Variants in OSBPL9 observed in about 807,000 individuals in gnomAD.
OSBPL9 encodes oxysterol binding protein like 9.
OSBPL9 carries 40 observed loss-of-function variants against 106.6 expected under a neutral mutation model. The ratio of observed to expected loss-of-function variants is 0.38; its 90% CI spans 0.29 to 0.49. The LOEUF (loss-of-function observed/expected upper bound fraction) is 0.49, where lower values mean the gene tolerates loss of function less well. Ranked by LOEUF, OSBPL9 falls within the 20% of genes least tolerant of loss-of-function variation. The probability of loss-of-function intolerance (pLI) is 0.97; values close to 1 mark genes in which losing one functional copy is unlikely to be tolerated. For missense variants in OSBPL9, 609 were observed against 887.2 expected (o/e 0.69, Z 3.98); for synonymous variants, 269 against 295.4 (o/e 0.91, Z 0.92).
intron 3 of OSBPL9, among the ~76,000 whole-genome samples, chr1:51,686,270 A>G (rs1181100393): frequency 6.6e-6 from 1 of 152,210 alleles, no homozygotes; most frequent in Non-Finnish European, 1.5e-5. Context: ...CATTTTATAG[A>G]TAAGGAAACT....
At chr1:51,575,563 C>T (rs1453731953), upstream of OSBPL9, among the ~76,000 whole-genome samples, 1 of 152,100 alleles carries the variant, frequency 6.6e-6, no homozygotes, top group Non-Finnish European at 1.5e-5. Flanking sequence ...CCCACATCAA[C>T]ACACATCCAG....
intron 5 of OSBPL9, 53 bp from the exon 6 acceptor site, chr1:51,746,657 A>G: frequency 1.5e-6 from 2 of 1,291,182 alleles, no homozygotes; most frequent in Non-Finnish European, 2.2e-6. Context: ...TAGTGAATGT[A>G]CATCGTATAG....
chr1:51,721,069 G>A (rs1181732778), intron 4 of OSBPL9, among the ~76,000 whole-genome samples: 2 of 151,954 alleles, frequency 1.3e-5, no homozygotes, highest in Non-Finnish European at 2.9e-5. Context: ...AAAGTGCTGG[G>A]ATTAGAGGCA....
chr1:51,669,762 G>T (rs1212075426), intron 3 of OSBPL9: 8 of 598,494 alleles, frequency 1.3e-5, no homozygotes, highest in Non-Finnish European at 2.5e-5. Context: ...ATAAAAATCA[G>T]TGAAGGGAGA....
chr1:51,607,067 G>T (rs1570541131), intron 2 of OSBPL9, among the ~76,000 whole-genome samples: 1 of 149,522 alleles, frequency 6.7e-6, no homozygotes, highest in Non-Finnish European at 1.5e-5. Context: ...AAGAAAAAAA[G>T]AAAAAATTTG....
intron 3 of OSBPL9, among the ~76,000 whole-genome samples, chr1:51,699,170 AG>A (rs1656707199): frequency 1.3e-5 from 2 of 152,338 alleles, no homozygotes; most frequent in African/African-American, 4.8e-5. Context: ...GGCTTATTAA[AG>A]TCAACACTAG....
Position 51,729,827 on chromosome 1 carries a change from G to GGGGGTGAAA in OSBPL9, c.319-15703_319-15702insAAAGGGGTG. 8.0e-7 allele frequency: 1 copy of GGGGGTGAAA among 1,243,848 alleles called. No individual in the cohort carries two copies. Among genetic ancestry groups the GGGGGTGAAA allele is most frequent in the Non-Finnish European group, 1.0e-6 (1 of 987,446 alleles). 77.1% of individuals were successfully genotyped at this position (1,243,848 alleles called of 1,614,324 possible). A position where few individuals can be genotyped will look rare whatever the true frequency, so the allele number is the denominator to read the frequency against. ...AGGGGTGGGGGGTGAAGGGGGTGAA[G>GGGGGTGAAA]GGGGTGTCCCGGGGGACGGGCTGAA... On this transcript the variant is annotated intron_variant, in intron 4 of 23. Coordinates refer to ENST00000428468, the MANE Select transcript of OSBPL9 (RefSeq NM_024586.6). The surrounding 1 kb of genome is among the most constrained non-coding windows in gnomAD (Gnocchi z 5.1).
chr1:51,744,313 C>T (rs929833042), intron 4 of OSBPL9, among the ~76,000 whole-genome samples: 1 of 151,968 alleles, frequency 6.6e-6, no homozygotes, highest in Non-Finnish European at 1.5e-5. Context: ...GGAGGATGCC[C>T]GTATTTGGCT....
chr1:51,533,613 A>G, the OSBPL9 span, among the ~76,000 whole-genome samples: 1 of 152,060 alleles, frequency 6.6e-6, no homozygotes, highest in Non-Finnish European at 1.5e-5. Context: ...AAGCCTCCAA[A>G]GCAGGTGGCA....
intron 3 of OSBPL9, chr1:51,709,787 CA>C (rs1659423413): frequency 6.6e-6 from 1 of 152,450 alleles, no homozygotes; most frequent in Non-Finnish European, 1.5e-5. Flanking sequence ...AGTCCAGGTG[CA>C]AAGGAGGTGA....
the OSBPL9 span, among the ~76,000 whole-genome samples, chr1:51,556,539 A>C: frequency 6.6e-6 from 1 of 152,072 alleles, no homozygotes; most frequent in Admixed American, 6.6e-5. Context: ...ACAAAAACAT[A>C]ATTAGGTAAT....
chr1:51,562,748 T>A, the OSBPL9 span, among the ~76,000 whole-genome samples: 1 of 152,214 alleles, frequency 6.6e-6, no homozygotes, highest in Non-Finnish European at 1.5e-5. Flanking sequence ...GAATATCATC[T>A]GAGTATCCTG....
chr1:51,767,465 A>G (rs368206880), intron 12 of OSBPL9, among the ~76,000 whole-genome samples: 17 of 152,078 alleles, frequency 1.1e-4, no homozygotes, highest in South Asian at 4.1e-4. Flanking sequence ...AGATGTATTA[A>G]TAGCTTAGTT....
the OSBPL9 span, among the ~76,000 whole-genome samples, chr1:51,562,248 A>C: frequency 6.6e-6 from 1 of 152,060 alleles, no homozygotes. Context: ...CCCCCTTGGT[A>C]CTGCATAGTG....
intron 10 of OSBPL9, 74 bp downstream of exon 10, chr1:51,760,854 G>A (rs1171716739): frequency 1.4e-6 from 2 of 1,470,778 alleles, no homozygotes; most frequent in Non-Finnish European, 1.9e-6. Context: ...AGCAGTCTTA[G>A]CTATTACTGT....
At chr1:51,726,602 T>A (rs1663171242) in intron 4 of OSBPL9, among the ~76,000 whole-genome samples, 3 of 152,112 alleles carry the variant, frequency 2.0e-5, no homozygotes, top group South Asian at 4.1e-4. Context: ...AGGCACGGCC[T>A]ATTTTTTTTT....
At chr1:51,613,892 C>A (rs1644006803), upstream of OSBPL9, among the ~76,000 whole-genome samples, 1 of 152,072 alleles carries the variant, frequency 6.6e-6, no homozygotes, top group East Asian at 1.9e-4. Context: ...CAGGCATGAG[C>A]CACCACAACC....
chr1:51,669,839 G>A, intron 3 of OSBPL9: 1 of 491,234 alleles, frequency 2.0e-6, no homozygotes, highest in Non-Finnish European at 4.0e-6. Flanking sequence ...TTATCAAGGA[G>A]TATGGTTCTG....
the OSBPL9 span, among the ~76,000 whole-genome samples, chr1:51,525,335 C>T: frequency 2.0e-5 from 3 of 152,302 alleles, no homozygotes; most frequent in Non-Finnish European, 4.4e-5. Context: ...GGTTCAGTAT[C>T]TGTCACTTAG....
Sources: gnomAD v4.1 joint callset for allele counts (sites outside exome capture counted in the v4.1 genomes callset) on GRCh38, gnomAD v4.1.1 for gene constraint, Gnocchi (gnomAD v3.1) non-coding constraint, MANE v1.5 for transcripts, NCBI Gene and HGNC (gene_info 2026-07-23, HGNC 2026-07-21) for gene names.